Variants in TANC2 observed in about 807,000 individuals in gnomAD.
The protein encoded by TANC2 is tetratricopeptide repeat, ankyrin repeat and coiled-coil containing 2, also known as protein TANC2.
TANC2 carries 26 observed loss-of-function variants against 210.5 expected under a neutral mutation model. That is an observed-to-expected ratio of 0.12 (90% confidence interval 0.09 to 0.17). The LOEUF (loss-of-function observed/expected upper bound fraction) is 0.17. TANC2 is among the 10% of genes least tolerant of loss of function. The pLI is 1.00. For synonymous variants in TANC2, 931 were observed against 967.1 expected, an observed-to-expected ratio of 0.96 and a Z score of 0.69; for missense variants, 2,129 against 2,608.9, an observed-to-expected ratio of 0.82 and a Z score of 4.01.
At chr17:63,018,905 TATTCC>T (rs2034229757) in intron 2 of TANC2, among the ~76,000 whole-genome samples, 1 of 152,262 alleles carries the variant, frequency 6.6e-6, no homozygotes, top group Non-Finnish European at 1.5e-5. Context: ...TTATTGCATG[TATTCC>T]ATGGTATGGT....
chr17:63,394,136 C>A (rs1490649056), intron 17 of TANC2, among the ~76,000 whole-genome samples: 2 of 152,186 alleles, frequency 1.3e-5, no homozygotes, highest in Non-Finnish European at 2.9e-5. Flanking sequence ...ATTCCCTCAA[C>A]ATGTATTAAT....
chr17:63,165,613 T>C (rs904545230), intron 5 of TANC2, among the ~76,000 whole-genome samples: 5 of 152,222 alleles, frequency 3.3e-5, no homozygotes, highest in Non-Finnish European at 7.3e-5. Flanking sequence ...AATTACATCA[T>C]ATTATTTATT....
chr17:63,346,662 T>G (rs772620875), intron 12 of TANC2, among the ~76,000 whole-genome samples: 5 of 152,204 alleles, frequency 3.3e-5, no homozygotes, highest in Non-Finnish European at 5.9e-5. Flanking sequence ...AATACATTGC[T>G]GGTGGGACTA....
chr17:62,975,887 T>G (rs556226327), intron 1 of TANC2, among the ~76,000 whole-genome samples: 13 of 152,292 alleles, frequency 8.5e-5, no homozygotes, highest in Admixed American at 7.8e-4. Context: ...GAAAGTATCC[T>G]AAATTTTTCT....
chr17:63,220,465 G>C lies in TANC2; in HGVS notation c.770-17349G>C, dbSNP rs972446636. ...GTCTGTAATCTCAGCACTTTGGGAG[G>C]CTGAGGTGGGCAGATCACTTGAGGT... On this transcript the variant is annotated intron_variant, in intron 7 of 27. Transcript: ENST00000689528. Among the ~76,000 whole-genome samples, 54 of 151,628 alleles carry C rather than the reference G, an allele frequency of 3.6e-4. 1 individual carries two copies. The highest frequency in any genetic ancestry group is 1.4e-3 in the Admixed American group (21 of 15,222).
Position 63,267,738 on chromosome 17 carries a change from T to G in TANC2, c.1034-10T>G. 1 of 1,610,632 alleles carries G rather than the reference T, an allele frequency of 6.2e-7. No homozygotes were observed. Among genetic ancestry groups the G allele is most frequent in the Non-Finnish European group, 8.5e-7 (1 of 1,178,244 alleles). On this transcript the variant is annotated splice_polypyrimidine_tract_variant and intron_variant, in intron 8 of 27. Transcript: ENST00000689528. ...TTAAATATTCTAACTAAACTTTTCT[T>G]TCTTGTCAGCCACCAGCTCTGCCCA...
intron 1 of TANC2, chr17:63,005,139 T>G (rs1428575502): frequency 6.6e-6 from 1 of 152,320 alleles, no homozygotes; most frequent in Non-Finnish European, 1.5e-5. Context: ...TTTAATAGCA[T>G]GATATATAGG....
At chr17:63,267,640 T>A (rs1473889769) in intron 8 of TANC2, 108 bp from the exon 9 acceptor site, 1 of 1,032,106 alleles carries the variant, frequency 9.7e-7, no homozygotes, top group African/African-American at 1.6e-5. Flanking sequence ...TTTGCATATA[T>A]ATTTTTTGGC....
At chr17:63,243,827 T>G (rs2042843185) in intron 8 of TANC2, among the ~76,000 whole-genome samples, 2 of 152,184 alleles carry the variant, frequency 1.3e-5, no homozygotes, top group African/African-American at 4.8e-5. Context: ...CAACATAAGT[T>G]CCATCAAGTT....
At chr17:63,234,937 G>GTAT (rs2042579704) in intron 7 of TANC2, among the ~76,000 whole-genome samples, 5 of 151,926 alleles carry the variant, frequency 3.3e-5, no homozygotes, top group Admixed American at 2.0e-4. Flanking sequence ...TGTATCTCAT[G>GTAT]GTACAATTTA....
At chr17:63,009,398 C>G (rs924414412) in intron 1 of TANC2, among the ~76,000 whole-genome samples, 139 bp from the exon 2 acceptor site, 5 of 152,122 alleles carry the variant, frequency 3.3e-5, no homozygotes, top group Non-Finnish European at 7.4e-5. Context: ...TCCTCTCAAT[C>G]ATTTATTTAT....
chr17:63,413,724 C>A, intron 25 of TANC2, 90 bp downstream of exon 25: 2 of 1,238,240 alleles, frequency 1.6e-6, no homozygotes, highest in Non-Finnish European at 2.3e-6. Context: ...AATTCTCATC[C>A]TTTGCGTAGA....
chr17:63,085,982 C>T (rs966020502), intron 3 of TANC2, among the ~76,000 whole-genome samples: 7 of 151,620 alleles, frequency 4.6e-5, no homozygotes, highest in African/African-American at 1.7e-4. Flanking sequence ...CTTTATTTCT[C>T]CTTCACTTTT....
intron 15 of TANC2, 69 bp downstream of exon 15, chr17:63,379,895 C>A: frequency 1.5e-6 from 2 of 1,345,120 alleles, no homozygotes; most frequent in Non-Finnish European, 1.0e-6. Flanking sequence ...ATGTAAGAGA[C>A]TATTTCAGTG....
chr17:63,271,750 A>AT (rs984266389), intron 9 of TANC2, among the ~76,000 whole-genome samples: 4 of 150,640 alleles, frequency 2.7e-5, no homozygotes, highest in Admixed American at 6.6e-5. Context: ...TCCTTTGTCC[A>AT]TTTTTTTTAA....
At chr17:63,228,692 A>G (rs911915451) in intron 7 of TANC2, among the ~76,000 whole-genome samples, 3 of 151,966 alleles carry the variant, frequency 2.0e-5, no homozygotes, top group African/African-American at 4.8e-5. Context: ...CTTTGTAGCA[A>G]TTTTGAATGG....
At chr17:63,197,900 G>A (rs1393666091) in intron 6 of TANC2, 2 of 152,162 alleles carry the variant, frequency 1.3e-5, no homozygotes, top group South Asian at 2.1e-4. Flanking sequence ...TAAATATGAG[G>A]CCTGCCTTTT....
rs144497832 is a variant in TANC2, at chr17:63,350,315, C to T, written c.1808-935C>T. Among the ~76,000 whole-genome samples, 28 of 152,232 alleles carry T rather than the reference C, an allele frequency of 1.8e-4. No homozygotes were observed. The East Asian group carries it at 3.9e-3, about 21-fold the overall frequency. On this transcript the variant is annotated intron_variant, in intron 12 of 27. Coordinates refer to ENST00000689528, the Ensembl canonical transcript of TANC2. Reference sequence around the variant, plus strand: ...TGCTTGCCCTCTTCCCTCTGCTTTCCCCCTTTCAGAGCCTGTGAGATCCTG... The same window carrying T: ...TGCTTGCCCTCTTCCCTCTGCTTTCTCCCTTTCAGAGCCTGTGAGATCCTG...
rs1051793023 is a variant in TANC2 at position 63,308,881 on chromosome 17, T to A, written c.1160-5507T>A. Among the ~76,000 whole-genome samples the A allele has an allele frequency of 2.4e-4, 37 of 152,056 alleles. 1 individual carries two copies. The highest frequency in any genetic ancestry group is 1.2e-4 in the African/African-American group (5 of 41,406). On this transcript the variant is annotated intron_variant, in intron 9 of 27. Coordinates refer to ENST00000689528, the Ensembl canonical transcript of TANC2. ...AATAGCTAATATTCCTATTGAAAAA[T>A]TTTTTTAAAAAAATTATAATTAAAG...
Sources: allele counts gnomAD v4.1 joint callset (sites outside exome capture counted in the v4.1 genomes callset), GRCh38; gene constraint gnomAD v4.1.1; transcripts MANE v1.5; gene names NCBI Gene and HGNC (gene_info 2026-07-23, HGNC 2026-07-21).